Variants in LAYN observed in about 807,000 individuals in gnomAD.
LAYN encodes layilin.
LAYN carries 38 observed loss-of-function variants against 43.6 expected under a neutral mutation model. That is an observed-to-expected ratio of 0.87 (90% CI 0.67 to 1.14). LAYN has a LOEUF of 1.14. Ranked by LOEUF, LAYN falls within the 50% of genes most tolerant of loss-of-function variation. The pLI is 0.00. For missense variants in LAYN, 479 were observed against 463.8 expected (o/e 1.03, Z -0.30); for synonymous variants, 168 against 172.9 (o/e 0.97, Z 0.22).
Position 111,554,587 on chromosome 11 carries a change from G to T in LAYN, c.568G>T (p.Ala190Ser). 1 of 1,613,196 alleles carries T rather than the reference G, an allele frequency of 6.2e-7. No individual in the cohort carries two copies. Among genetic ancestry groups the T allele is most frequent in the Admixed American group, 1.7e-5 (1 of 59,996 alleles). ...DEKPAVPSRE[A>S]EGEETELTTP... ...GAAACCAGCAGTTCCTTCTAGAGAA[G>T]CTGAAGGTAAGCCTGTTACTTGAGA... is the stretch of plus-strand genomic sequence containing the variant. The change falls in exon 4 of 7, where the codon GCT becomes TCT. Residue 190 changes from alanine to serine, a missense_variant. Physicochemically the swap from Ala to Ser is moderately conservative, Grantham distance 99 (BLOSUM62 1). Transcript: ENST00000375614.
intron 2 of LAYN, among the ~76,000 whole-genome samples, chr11:111,545,074 A>ATATT (rs1170875315): frequency 1.3e-5 from 2 of 148,390 alleles, no homozygotes; most frequent in African/African-American, 5.0e-5. Flanking sequence ...ATATATATAT[A>ATATT]TTTTTTACCT....
intron 1 of LAYN, among the ~76,000 whole-genome samples, chr11:111,542,579 G>A (rs1423876213): frequency 1.3e-5 from 2 of 152,170 alleles, no homozygotes; most frequent in African/African-American, 4.8e-5. Context: ...CTGGCTCCCT[G>A]CGCAGCTGTA....
chr11:111,543,804 T>C (rs1351259913), intron 1 of LAYN, 119 bp from the exon 2 acceptor site: 2 of 785,706 alleles, frequency 2.5e-6, no homozygotes, highest in Non-Finnish European at 4.1e-6. Flanking sequence ...ATGATAACAG[T>C]CTACTGATGT....
chr11:111,551,312 C>T, intron 3 of LAYN: 1 of 456,210 alleles, frequency 2.2e-6, no homozygotes, highest in Non-Finnish European at 4.4e-6. Context: ...GACCTTCTGC[C>T]TTTGCCTCTC....
chr11:111,556,233 C>T (rs1025374502), intron 5 of LAYN, among the ~76,000 whole-genome samples: 2 of 152,176 alleles, frequency 1.3e-5, no homozygotes, highest in African/African-American at 2.4e-5. Context: ...CACAGCAGGA[C>T]GTCTGGGAGG....
rs1273492490 is a variant in LAYN, at chr11:111,557,644, G to A, written c.761+1G>A. 2 of 1,608,004 alleles carry A rather than the reference G, an allele frequency of 1.2e-6. No individual in the cohort carries two copies. The highest frequency in any genetic ancestry group is 3.3e-5 in the Admixed American group (2 of 60,014). On this transcript the variant is annotated splice_donor_variant, in intron 6 of 6. Transcript: ENST00000375614. LOFTEE classifies it high-confidence loss of function. Reference sequence around the variant, plus strand: ...GTTGGGTTTGGATCTGTAGAAAAAGGCAAGTAAAACCTTCATTGTGTAAAC... The same window carrying A: ...GTTGGGTTTGGATCTGTAGAAAAAGACAAGTAAAACCTTCATTGTGTAAAC...
intron 1 of LAYN, chr11:111,541,441 G>A (rs996687844): frequency 1.0e-6 from 1 of 960,632 alleles, no homozygotes; most frequent in African/African-American, 1.6e-5. Flanking sequence ...GGATGGCTGG[G>A]TCGAGCGCCC....
At chr11:111,555,342 C>G (rs1867818163) in intron 5 of LAYN, 52 bp downstream of exon 5, 1 of 1,281,706 alleles carries the variant, frequency 7.8e-7, no homozygotes, top group East Asian at 2.3e-5. Flanking sequence ...CCCTTGATTA[C>G]AAATTACCCA....
chr11:111,560,138 A>G lies in LAYN; in HGVS notation c.805A>G (p.Ile269Val), dbSNP rs368038262. The part of the protein sequence containing the change: ...PDPSTKKQHT[I>V]WPSPHQGNSP... Reference sequence around the variant, plus strand: ...CCCTAGCACAAAGAAGCAACACACCATCTGGCCCTCTCCTCACCAGGGAAA... The same window carrying G: ...CCCTAGCACAAAGAAGCAACACACCGTCTGGCCCTCTCCTCACCAGGGAAA... Residue 269 changes from isoleucine to valine, a missense_variant, in exon 7 of 7, where the codon ATC becomes GTC. Ile to Val is a conservative substitution (Grantham distance 29). Coordinates refer to ENST00000375614, the MANE Select transcript of LAYN (RefSeq NM_178834.5). The G allele has an allele frequency of 9.9e-6, 16 of 1,613,994 alleles. No homozygotes were observed. The highest frequency in any genetic ancestry group is 1.3e-5 in the Non-Finnish European group (15 of 1,179,984).
intron 3 of LAYN, among the ~76,000 whole-genome samples, chr11:111,552,992 C>T (rs187153322): frequency 2.6e-4 from 39 of 152,168 alleles, no homozygotes; most frequent in Admixed American, 9.8e-4. Context: ...TTAATCTCCC[C>T]GAATCTTGGT....
intron 3 of LAYN, among the ~76,000 whole-genome samples, chr11:111,554,007 A>G (rs922803751): frequency 3.3e-5 from 5 of 152,220 alleles, no homozygotes; most frequent in Admixed American, 1.3e-4. Flanking sequence ...TGAAATATGT[A>G]CAAAAGCTCA....
rs755270166 is a variant in LAYN, at chr11:111,540,743, G to C, written c.-101G>C. The C allele has an allele frequency of 4.1e-6, 5 of 1,209,782 alleles. No individual in the cohort carries two copies. The highest frequency in any genetic ancestry group is 4.5e-6 in the Non-Finnish European group (4 of 894,710). 74.9% of individuals were successfully genotyped at this position (1,209,782 alleles called of 1,614,324 possible). A position where few individuals can be genotyped will look rare whatever the true frequency, so the allele number is the denominator to read the frequency against. Reference sequence around the variant, plus strand: ...CCGTGCGGTCCGTCGGTGGCCTAGAGATGCTGCTGCCGCGGTTGCAGTTGT... The same window carrying C: ...CCGTGCGGTCCGTCGGTGGCCTAGACATGCTGCTGCCGCGGTTGCAGTTGT... On this transcript the variant is annotated 5_prime_UTR_variant, in exon 1 of 7. Transcript: ENST00000375614.
At chr11:111,543,840 A>G (rs1867592140) in intron 1 of LAYN, 83 bp from the exon 2 acceptor site, 2 of 1,367,098 alleles carry the variant, frequency 1.5e-6, no homozygotes, top group Non-Finnish European at 1.0e-6. Flanking sequence ...ACCCAGGGAT[A>G]CCTTCCTTTG....
intron 1 of LAYN, among the ~76,000 whole-genome samples, chr11:111,543,185 G>A (rs1353412803): frequency 1.3e-5 from 2 of 152,140 alleles, no homozygotes; most frequent in African/African-American, 2.4e-5. Context: ...GTGTGATCTT[G>A]GCCAAATTAC....
intron 1 of LAYN, chr11:111,541,444 G>A: frequency 1.0e-6 from 1 of 994,598 alleles, no homozygotes. Context: ...TGGCTGGGTC[G>A]AGCGCCCGGT....
Position 111,544,224 on chromosome 11 carries a change from A to C in LAYN, c.383+4A>C, listed in dbSNP as rs886165017. ...ATGGCAGCATATCACAATTTAGGTA[A>C]GTGTGTGGAACCCACAGCTGCTGAC... On this transcript the variant is annotated splice_donor_region_variant and intron_variant, in intron 2 of 6. Coordinates refer to ENST00000375614, the MANE Select transcript of LAYN (RefSeq NM_178834.5). 5.6e-6 allele frequency: 9 copies of C among 1,608,688 alleles called. No individual in the cohort carries two copies. In the African/African-American group the frequency reaches 6.7e-5, roughly 12 times the overall value.
upstream of LAYN, chr11:111,540,641 CG>C: frequency 1.9e-6 from 1 of 519,672 alleles, no homozygotes; most frequent in Non-Finnish European, 3.3e-6. Flanking sequence ...GGCCAGCCAG[CG>C]GGGCTGCCCT....
At chr11:111,544,555 T>G (rs1867614555) in intron 2 of LAYN, among the ~76,000 whole-genome samples, 1 of 152,168 alleles carries the variant, frequency 6.6e-6, no homozygotes, top group Non-Finnish European at 1.5e-5. Context: ...GGGCTATGAC[T>G]CAGGGTAGGA....
At chr11:111,551,468 C>A in intron 3 of LAYN, 1 of 455,490 alleles carries the variant, frequency 2.2e-6, no homozygotes, top group South Asian at 1.6e-5. Flanking sequence ...AACTAACACA[C>A]TGCCTGTTTT....
Sources: allele counts gnomAD v4.1 joint callset (sites outside exome capture counted in the v4.1 genomes callset), GRCh38; gene constraint gnomAD v4.1.1; transcripts MANE v1.5; gene names NCBI Gene and HGNC (gene_info 2026-07-23, HGNC 2026-07-21).